SGCZ: variants seen among roughly 807,000 people sequenced by gnomAD.
SGCZ encodes sarcoglycan zeta.
A neutral mutation model predicts 41.3 loss-of-function variants in SGCZ; 40 were observed. That is an observed-to-expected ratio of 0.97 (90% CI 0.75 to 1.26). The LOEUF is 1.26. SGCZ is among the 50% of genes most tolerant of loss of function. The pLI, the probability that SGCZ is intolerant of heterozygous loss-of-function variation, is 0.00. For synonymous variants in SGCZ, 206 were observed against 137.5 expected, an observed-to-expected ratio of 1.50 and a Z score of -3.49; for missense variants, 552 against 369.8, an observed-to-expected ratio of 1.49 and a Z score of -4.04.
rs367549363 is a variant in SGCZ, at chr8:14,176,074, G to T, written c.425-11372C>A. Among the ~76,000 whole-genome samples, 77 of 152,070 alleles carry T rather than the reference G, an allele frequency of 5.1e-4. 1 individual carries two copies. Among genetic ancestry groups the T allele is most frequent in the Admixed American group, 3.9e-4 (6 of 15,252 alleles). ...GCAACATTGGACCAAAGAACAAAAA[G>T]AAATTGTCAAATCCTGAATCTTAAT... On this transcript the variant is annotated intron_variant, in intron 4 of 7. Coordinates refer to ENST00000382080, the MANE Select transcript of SGCZ (RefSeq NM_139167.4).
intron 2 of SGCZ, among the ~76,000 whole-genome samples, chr8:14,464,170 T>C (rs1245720909): frequency 6.6e-6 from 1 of 151,662 alleles, no homozygotes; most frequent in African/African-American, 2.4e-5. Context: ...TCGACATTTG[T>C]TAAAGTTTGA....
At chr8:14,238,537 A>G (rs1401870245) in intron 3 of SGCZ, among the ~76,000 whole-genome samples, 1 of 152,180 alleles carries the variant, frequency 6.6e-6, no homozygotes, top group African/African-American at 2.4e-5. Context: ...TTAGCATTTA[A>G]CAGTAAAACA....
chr8:14,894,295 T>C (rs925988200), intron 1 of SGCZ, among the ~76,000 whole-genome samples: 4 of 152,166 alleles, frequency 2.6e-5, no homozygotes, highest in Non-Finnish European at 5.9e-5. Context: ...TCCCATAACC[T>C]CTCTCAGTTG....
At chr8:14,434,574 C>T (rs10103337) in intron 2 of SGCZ, among the ~76,000 whole-genome samples, 15,047 of 152,142 alleles carry the variant, frequency 0.099, 2,213 homozygotes, top group African/African-American at 0.32. Context: ...GTCATTTTCA[C>T]AATATTGATT....
chr8:14,703,062 G>A (rs1335039672), intron 1 of SGCZ, among the ~76,000 whole-genome samples: 1 of 151,768 alleles, frequency 6.6e-6, no homozygotes, highest in African/African-American at 2.4e-5. Context: ...TTTTCCCTCT[G>A]GACTGTTAAC....
At chr8:14,107,793 C>T (rs921000371) in intron 6 of SGCZ, among the ~76,000 whole-genome samples, 2 of 152,066 alleles carry the variant, frequency 1.3e-5, no homozygotes, top group African/African-American at 4.8e-5. Context: ...TGTGCACCAC[C>T]ATGCTCGGCT....
intron 3 of SGCZ, among the ~76,000 whole-genome samples, chr8:14,263,558 G>A (rs1001408410): frequency 3.6e-4 from 55 of 151,828 alleles, no homozygotes; most frequent in African/African-American, 1.0e-3. Flanking sequence ...CAAAAAATAC[G>A]TATATAACTA....
chr8:14,152,528 TG>T (rs1267178852), intron 5 of SGCZ, among the ~76,000 whole-genome samples: 1 of 152,178 alleles, frequency 6.6e-6, no homozygotes, highest in African/African-American at 2.4e-5. Context: ...ACTACACAGC[TG>T]TTATCATATG....
At chr8:14,460,012 A>G (rs1039048503) in intron 2 of SGCZ, among the ~76,000 whole-genome samples, 5 of 152,274 alleles carry the variant, frequency 3.3e-5, no homozygotes, top group African/African-American at 4.8e-5. Flanking sequence ...TGGTGAAAAA[A>G]GAGACCTTAG....
chr8:14,404,781 G>A (rs1027626083), intron 2 of SGCZ, among the ~76,000 whole-genome samples: 2 of 152,124 alleles, frequency 1.3e-5, no homozygotes, highest in African/African-American at 2.4e-5. Context: ...TTATCTCAAG[G>A]TGCTGAAACC....
chr8:14,294,083 A>T, intron 3 of SGCZ, among the ~76,000 whole-genome samples: 1 of 151,990 alleles, frequency 6.6e-6, no homozygotes, highest in East Asian at 1.9e-4. Context: ...CAATTATAAT[A>T]TATTCTAGTT....
intron 1 of SGCZ, among the ~76,000 whole-genome samples, chr8:14,593,979 A>C (rs1805323117): frequency 6.6e-6 from 1 of 152,056 alleles, no homozygotes; most frequent in South Asian, 2.1e-4. Context: ...GTTCGAGAGC[A>C]GTCTGGCCCA....
At position 14,865,452 on chromosome 8, in the gene SGCZ, C is replaced by A. The variant is rs534419231; in HGVS notation, c.40-310526G>T. On this transcript the variant is annotated intron_variant, in intron 1 of 7. Transcript: ENST00000382080. ...CTTGCTCTGCCCTCAGGAACACAAT[C>A]AACCCCTGTGAATGAATCAATCTCT... 1.1e-3 allele frequency among the ~76,000 whole-genome samples: 170 copies of A among 152,234 alleles called. 1 individual carries two copies. Among genetic ancestry groups the A allele is most frequent in the South Asian group, 5.0e-3 (24 of 4,826 alleles).
intron 2 of SGCZ, among the ~76,000 whole-genome samples, chr8:14,532,648 G>A (rs1382539681): frequency 7.1e-6 from 1 of 140,270 alleles, no homozygotes; most frequent in Non-Finnish European, 1.5e-5. Flanking sequence ...TTTGAAGCTG[G>A]CTCATTGAGA....
intron 1 of SGCZ, among the ~76,000 whole-genome samples, chr8:15,069,988 G>A (rs2131026453): frequency 6.6e-6 from 1 of 152,044 alleles, no homozygotes; most frequent in African/African-American, 2.4e-5. Context: ...GAAAGATAAA[G>A]TAATTTAGGC....
chr8:14,586,478 G>T (rs956151552), intron 1 of SGCZ, among the ~76,000 whole-genome samples: 1 of 152,170 alleles, frequency 6.6e-6, no homozygotes, highest in African/African-American at 2.4e-5. Flanking sequence ...TTTCCAAAGT[G>T]TTGGGATTGC....
At chr8:14,129,355 A>AT (rs1296498980) in intron 5 of SGCZ, among the ~76,000 whole-genome samples, 1 of 139,578 alleles carries the variant, frequency 7.2e-6, no homozygotes, top group Non-Finnish European at 1.5e-5. Context: ...CAAAAAAAAA[A>AT]AAAAAAAAAA....
chr8:14,367,967 T>C (rs1300796743), intron 2 of SGCZ, among the ~76,000 whole-genome samples: 1 of 152,072 alleles, frequency 6.6e-6, no homozygotes, highest in African/African-American at 2.4e-5. Context: ...CACTTACAAA[T>C]ATAATAGGTG....
At chr8:15,196,533 T>C (rs947198697) in intron 1 of SGCZ, among the ~76,000 whole-genome samples, 1 of 150,052 alleles carries the variant, frequency 6.7e-6, no homozygotes, top group African/African-American at 2.4e-5. Context: ...GATTGTATTA[T>C]ATTGTGGGTG....
Sources: gnomAD v4.1 joint callset for allele counts (sites outside exome capture counted in the v4.1 genomes callset) on GRCh38, gnomAD v4.1.1 for gene constraint, MANE v1.5 for transcripts, NCBI Gene and HGNC (gene_info 2026-07-23, HGNC 2026-07-21) for gene names.